The following TRIM26 variants were observed in gnomAD, a reference collection of about 807,000 sequenced individuals.
The protein encoded by TRIM26 is tripartite motif-containing protein 26.
TRIM26 carries 16 observed loss-of-function variants against 45.5 expected under a neutral mutation model. The ratio of observed to expected loss-of-function variants is 0.35; its 90% CI spans 0.24 to 0.53. The LOEUF (loss-of-function observed/expected upper bound fraction) is 0.53. TRIM26 is among the 20% of genes least tolerant of loss of function. The pLI is 0.92. For missense variants in TRIM26, 442 were observed against 691.1 expected (o/e 0.64, Z 4.04); for synonymous variants, 273 against 290.4 (o/e 0.94, Z 0.61).
rs920568646 is a variant in TRIM26, at chr6:30,190,787, C to T, written c.766-752G>A. ...TTGACCACGCAGCAGAGGACAACAT[C>T]CCTAGAAGCTGGTGGAAGAACCACA... On this transcript the variant is annotated intron_variant, in intron 6 of 9. Coordinates refer to ENST00000454678, the MANE Select transcript of TRIM26 (RefSeq NM_003449.5). The surrounding 1 kb of genome is among the most constrained non-coding windows in gnomAD (Gnocchi z 4.3). 1.3e-5 allele frequency among the ~76,000 whole-genome samples: 2 copies of T among 152,180 alleles called. No homozygotes were observed. Among genetic ancestry groups the T allele is most frequent in the Non-Finnish European group, 2.9e-5 (2 of 68,036 alleles).
chr6:30,197,100 T>C (rs553928597), intron 5 of TRIM26, among the ~76,000 whole-genome samples: 1 of 152,272 alleles, frequency 6.6e-6, no homozygotes, highest in South Asian at 2.1e-4. Flanking sequence ...ACAAAATCTG[T>C]CACCTCTTCC....
intron 9 of TRIM26, chr6:30,188,437 G>A (rs1426531002): frequency 1.1e-5 from 3 of 273,922 alleles, no homozygotes; most frequent in Non-Finnish European, 2.2e-5. Flanking sequence ...ATCCTCATAG[G>A]ATTCTCTATA....
At chr6:30,191,526 G>A (rs564438506) in intron 6 of TRIM26, among the ~76,000 whole-genome samples, 2 of 151,240 alleles carry the variant, frequency 1.3e-5, no homozygotes, top group Admixed American at 6.6e-5. Context: ...TGAGTGATAC[G>A]CACCACGGGA....
At chr6:30,193,537 G>A (rs1316575383) in intron 6 of TRIM26, among the ~76,000 whole-genome samples, 1 of 151,862 alleles carries the variant, frequency 6.6e-6, no homozygotes, top group Admixed American at 6.6e-5. Context: ...TTTTGCTTAG[G>A]ATTGCTTTGG....
At position 30,190,291 on chromosome 6, in the gene TRIM26, T is replaced by C. The variant is rs568027547; in HGVS notation, c.766-256A>G. On this transcript the variant is annotated intron_variant, in intron 6 of 9. Transcript: ENST00000454678. This position sits in a 1 kb window ranked among gnomAD's most constrained non-coding sequence, Gnocchi z 4.3. ...CTCTGGGAGATACCTGCGCAGAGAA[T>C]TGACGGATAAGAAGTACTGGCCGGA... 7 of 581,304 alleles carry C rather than the reference T, an allele frequency of 1.2e-5. No individual in the cohort carries two copies. Among genetic ancestry groups the C allele is most frequent in the South Asian group, 4.2e-5 (2 of 47,572 alleles). The allele number at this position is 581,304 out of a possible 1,614,324, so 36.0% of individuals were successfully genotyped here. A position where few individuals can be genotyped will look rare whatever the true frequency, so the allele number is the denominator to read the frequency against.
chr6:30,211,523 T>C (rs1402295215), intron 1 of TRIM26, among the ~76,000 whole-genome samples: 1 of 152,192 alleles, frequency 6.6e-6, no homozygotes, highest in Non-Finnish European at 1.5e-5. Flanking sequence ...TCCAACCTGT[T>C]ACTCCCCTGC....
rs1778045879 is a variant in TRIM26, at chr6:30,209,329, A to C, written c.-376+3976T>G. ...AATATTTTTTTGATGTGGAGCATAA[A>C]ATAAGGGCACATAAAAGATTTGGTG... On this transcript the variant is annotated intron_variant, in intron 1 of 9. Transcript: ENST00000454678. The surrounding 1 kb of genome is among the most constrained non-coding windows in gnomAD (Gnocchi z 4.8). 6.6e-6 allele frequency among the ~76,000 whole-genome samples: 1 copy of C among 152,174 alleles called. No homozygotes were observed. The highest frequency in any genetic ancestry group is 1.5e-5 in the Non-Finnish European group (1 of 68,034).
At chr6:30,208,356 A>G (rs554777628) in intron 1 of TRIM26, among the ~76,000 whole-genome samples, 84 of 152,344 alleles carry the variant, frequency 5.5e-4, no homozygotes, top group African/African-American at 1.9e-3. Context: ...AGAAACCAGG[A>G]GAAGAAAAAG....
In TRIM26 at chr6:30,196,489, G is replaced by C. The variant is rs770045740; in HGVS notation, c.765+27C>G. On this transcript the variant is annotated intron_variant, in intron 6 of 9. Transcript: ENST00000454678. The surrounding 1 kb of genome is among the most constrained non-coding windows in gnomAD (Gnocchi z 4.9). ...CTGGGACCCACCGTCCTGGTCCCTG[G>C]CGCCCTGCCCAGGGACGGCCTCTCA... is the stretch of plus-strand genomic sequence containing the variant. 2.5e-6 allele frequency: 4 copies of C among 1,597,138 alleles called. No individual in the cohort carries two copies. In the South Asian group the frequency reaches 3.3e-5, roughly 13 times the overall value.
chr6:30,185,647 C>T lies in TRIM26; in HGVS notation c.*229G>A. ...CATGGACTCCAGGGTCAGAAGTTCC[C>T]TCGGGAAACCAGCAGGAGGTGGGAA... is the stretch of plus-strand genomic sequence containing the variant. On this transcript the variant is annotated 3_prime_UTR_variant, in exon 10 of 10. Transcript: ENST00000454678. The surrounding 1 kb of genome is among the most constrained non-coding windows in gnomAD (Gnocchi z 5.7). The T allele has an allele frequency of 1.7e-6, 1 of 576,096 alleles. No individual in the cohort carries two copies. Among genetic ancestry groups the T allele is most frequent in the Non-Finnish European group, 3.0e-6 (1 of 331,154 alleles). The allele number at this position is 576,096 out of a possible 1,614,324, so 35.7% of individuals were successfully genotyped here.
At chr6:30,205,288 A>G (rs188646171) in intron 1 of TRIM26, among the ~76,000 whole-genome samples, 58 of 152,252 alleles carry the variant, frequency 3.8e-4, no homozygotes, top group Non-Finnish European at 7.1e-4. Context: ...CTGCAATTCT[A>G]TAGAACCAGG....
chr6:30,203,747 C>T (rs1321940902), intron 2 of TRIM26, among the ~76,000 whole-genome samples: 2 of 151,748 alleles, frequency 1.3e-5, no homozygotes, highest in African/African-American at 2.4e-5. Context: ...GCAATGGATG[C>T]TGTAGTATTT....
At chr6:30,191,498 C>T (rs1200853106) in intron 6 of TRIM26, among the ~76,000 whole-genome samples, 1 of 150,240 alleles carries the variant, frequency 6.7e-6, no homozygotes, top group Non-Finnish European at 1.5e-5. Context: ...ATCAATGTAG[C>T]AAATACATCA....
In TRIM26 at chr6:30,196,010, C is replaced by G. The variant is rs1776424347; in HGVS notation, c.765+506G>C. ...CCCCTTGTCTGCTTTCCATCTTGTT[C>G]TCTGTGTGGTAATCCCATGGGCCAA... On this transcript the variant is annotated intron_variant, in intron 6 of 9. Coordinates refer to ENST00000454678, the MANE Select transcript of TRIM26 (RefSeq NM_003449.5). This position sits in a 1 kb window ranked among gnomAD's most constrained non-coding sequence, Gnocchi z 4.9. Among the ~76,000 whole-genome samples the G allele has an allele frequency of 6.6e-6, 1 of 152,192 alleles. No homozygotes were observed. Among genetic ancestry groups the G allele is most frequent in the Non-Finnish European group, 1.5e-5 (1 of 68,014 alleles).
intron 1 of TRIM26, among the ~76,000 whole-genome samples, chr6:30,204,969 C>T (rs1243611782): frequency 2.0e-5 from 3 of 152,136 alleles, no homozygotes; most frequent in African/African-American, 4.8e-5. Context: ...CGGCCGGGCG[C>T]GGTGGCTTCT....
rs1180890528 is a variant in TRIM26 at position 30,198,908 on chromosome 6, G to T, written c.196C>A (p.Arg66=). ...AGGCTGGCCAGTTGCCACACGGGTC[G>T]GATGTTCTCCTTCTTAAAAGGCTTC... ...CKKPFKKENI[R]PVWQLASLVE... Residue 66 remains arginine, a synonymous_variant, in exon 4 of 10, where the codon CGA becomes AGA. Transcript: ENST00000454678. The surrounding 1 kb of genome is among the most constrained non-coding windows in gnomAD (Gnocchi z 6.3). 3 of 1,612,732 alleles carry T rather than the reference G, an allele frequency of 1.9e-6. No individual in the cohort carries two copies. Among genetic ancestry groups the T allele is most frequent in the Non-Finnish European group, 2.5e-6 (3 of 1,179,928 alleles).
chr6:30,198,903 G>C lies in TRIM26; in HGVS notation c.201C>G (p.Pro67=), dbSNP rs367664883. Residue 67 remains proline (P), a synonymous_variant, in exon 4 of 10, where the codon CCC becomes CCG. Coordinates refer to ENST00000454678, the MANE Select transcript of TRIM26 (RefSeq NM_003449.5). This position sits in a 1 kb window ranked among gnomAD's most constrained non-coding sequence, Gnocchi z 6.3. Reference sequence around the variant, plus strand: ...CCACCAGGCTGGCCAGTTGCCACACGGGTCGGATGTTCTCCTTCTTAAAAG... The same window carrying C: ...CCACCAGGCTGGCCAGTTGCCACACCGGTCGGATGTTCTCCTTCTTAAAAG... The part of the protein sequence containing the change: ...KKPFKKENIR[P]VWQLASLVEN... The C allele has an allele frequency of 1.7e-5, 27 of 1,612,736 alleles. No individual in the cohort carries two copies. In the African/African-American group the frequency reaches 3.1e-4, roughly 18 times the overall value.
rs1776512488 is a variant in TRIM26 at position 30,196,742 on chromosome 6, T to A, written c.539A>T (p.Lys180Met). 1 of 1,614,032 alleles carries A rather than the reference T, an allele frequency of 6.2e-7. No individual in the cohort carries two copies. The highest frequency in any genetic ancestry group is 8.5e-7 in the Non-Finnish European group (1 of 1,180,032). The change falls in exon 6 of 10, where the codon AAG (lysine) becomes ATG (methionine). Residue 180 changes from lysine (K) to methionine (M), a missense_variant. Coordinates refer to ENST00000454678, the MANE Select transcript of TRIM26 (RefSeq NM_003449.5). The surrounding 1 kb of genome is among the most constrained non-coding windows in gnomAD (Gnocchi z 4.9). ...AATGTACTGCCTCTGGTCCTGGAGC[T>A]TCTTCTGCAGGGGGCAGGAAGGGGA... ...GEADILAALK[K>M]LQDQRQYIVA...
At position 30,196,660 on chromosome 6, in the gene TRIM26, C is replaced by T. The variant is rs755280387; in HGVS notation, c.621G>A (p.Leu207=). ...CCTGCTCCAGCTTCGCCAGCTGTTCCAGCAGGTGTTCCTCCCGCTCCCTCA... is the reference window on the plus strand; with the variant it reads ...CCTGCTCCAGCTTCGCCAGCTGTTCTAGCAGGTGTTCCTCCCGCTCCCTCA... ...QFLREREEHL[L]EQLAKLEQEL... is the part of the protein sequence containing the mutation. Residue 207 remains leucine, a synonymous_variant, in exon 6 of 10, where the codon CTG becomes CTA. Transcript: ENST00000454678. This position sits in a 1 kb window ranked among gnomAD's most constrained non-coding sequence, Gnocchi z 4.9. 7 of 1,614,208 alleles carry T rather than the reference C, an allele frequency of 4.3e-6. No homozygotes were observed. The highest frequency in any genetic ancestry group is 1.1e-5 in the South Asian group (1 of 91,088).
Sources: allele counts gnomAD v4.1 joint callset (sites outside exome capture counted in the v4.1 genomes callset), GRCh38; gene constraint gnomAD v4.1.1; non-coding constraint Gnocchi (gnomAD v3.1); transcripts MANE v1.5; gene names NCBI Gene and HGNC (gene_info 2026-07-23, HGNC 2026-07-21).